CDH13: variants seen among roughly 807,000 people sequenced by gnomAD.
CDH13 encodes cadherin 13, also known as cadherin-13.
Under a neutral mutation model 63.8 loss-of-function variants are expected in CDH13, and 24 were observed. That is an observed-to-expected ratio of 0.38 (90% CI 0.27 to 0.53). CDH13 has a LOEUF of 0.53. CDH13 is among the 20% of genes least tolerant of loss of function. The probability of loss-of-function intolerance (pLI) is 0.85; values close to 1 mark genes in which losing one functional copy is unlikely to be tolerated. For synonymous variants in CDH13, 503 were observed against 355.3 expected (o/e 1.42, Z -4.67); for missense variants, 1,049 against 903.1 (o/e 1.16, Z -2.07).
intron 1 of CDH13, among the ~76,000 whole-genome samples, chr16:82,840,684 C>CACAAAAAAAA (rs1555527844): frequency 1.2e-5 from 1 of 86,750 alleles, no homozygotes. Flanking sequence ...GAATCCATCT[C>CACAAAAAAAA]AAAAAAAAAA....
At chr16:82,820,447 T>A (rs771390939) in intron 1 of CDH13, among the ~76,000 whole-genome samples, 5 of 152,314 alleles carry the variant, frequency 3.3e-5, no homozygotes, top group Admixed American at 6.5e-5. Flanking sequence ...GTAATGAAAC[T>A]GAGGCACAGA....
rs80001303 is a variant in CDH13, at chr16:83,564,850, C to T, written c.961-37604C>T. Reference sequence around the variant, plus strand: ...CCCTCCTCTGCCCTGGCTCCAGAGACCCCATGTCTGCCACAGCACAATTGT... The same window carrying T: ...CCCTCCTCTGCCCTGGCTCCAGAGATCCCATGTCTGCCACAGCACAATTGT... On this transcript the variant is annotated intron_variant, in intron 7 of 13. Coordinates refer to ENST00000567109, the MANE Select transcript of CDH13 (RefSeq NM_001257.5). Among the ~76,000 whole-genome samples the T allele has an allele frequency of 9.9e-3, 1,512 of 152,258 alleles. 26 individuals are homozygous for T. Among genetic ancestry groups the T allele is most frequent in the African/African-American group, 0.035 (1,437 of 41,550 alleles).
chr16:83,427,210 G>A (rs915614089), intron 6 of CDH13, among the ~76,000 whole-genome samples: 58 of 152,052 alleles, frequency 3.8e-4, no homozygotes, highest in South Asian at 1.2e-3. Flanking sequence ...CACCGCGCCC[G>A]GCCTAAATAT....
In CDH13 at chr16:83,130,696, TATC is replaced by T. The variant is rs554067818; in HGVS notation, c.483+5198_483+5200del. Among the ~76,000 whole-genome samples the T allele has an allele frequency of 8.5e-5, 13 of 152,302 alleles. No homozygotes were observed. The East Asian group carries it at 2.5e-3, about 29-fold the overall frequency. ...AATTAAGTTTAACTAAATATAAAATTATCATAAAAGACACAGGAGTTAGCATGC... is the reference window on the plus strand; with the variant it reads ...AATTAAGTTTAACTAAATATAAAATTATAAAAGACACAGGAGTTAGCATGC... On this transcript the variant is annotated intron_variant, in intron 4 of 13. Transcript: ENST00000567109.
intron 7 of CDH13, among the ~76,000 whole-genome samples, chr16:83,502,863 A>C (rs1598169698): frequency 6.6e-6 from 1 of 152,344 alleles, no homozygotes; most frequent in East Asian, 1.9e-4. Context: ...GATCTTTCTC[A>C]GGCATCTCCA....
intron 4 of CDH13, among the ~76,000 whole-genome samples, chr16:83,153,453 C>T (rs1253429574): frequency 1.3e-5 from 2 of 152,150 alleles, no homozygotes; most frequent in African/African-American, 4.8e-5. Flanking sequence ...AATTTCTAAT[C>T]TTGTGGCTAA....
chr16:83,271,422 TAAAAAA>T lies in CDH13; in HGVS notation c.636+53950_636+53955del, dbSNP rs56382330. On this transcript the variant is annotated intron_variant, in intron 5 of 13. Coordinates refer to ENST00000567109, the MANE Select transcript of CDH13 (RefSeq NM_001257.5). ...CTACCGCACATTGAGGCAGAGTTCA[TAAAAAA>T]AAAAAAAAAAAAAAAAAAAAAAAAT... Among the ~76,000 whole-genome samples, 89 of 26,024 alleles carry T rather than the reference TAAAAAA, an allele frequency of 3.4e-3. 1 individual carries two copies. Among genetic ancestry groups the T allele is most frequent in the African/African-American group, 9.5e-3 (71 of 7,472 alleles). The allele number at this position is 26,024 out of a possible 152,430, so 17.1% of individuals were successfully genotyped here. A position where few individuals can be genotyped will look rare whatever the true frequency, so the allele number is the denominator to read the frequency against.
At chr16:83,333,881 A>T (rs531360246) in intron 5 of CDH13, among the ~76,000 whole-genome samples, 1 of 152,200 alleles carries the variant, frequency 6.6e-6, no homozygotes. Context: ...TGGCCACTGT[A>T]TTAATGTCCT....
chr16:82,673,265 T>C (rs919138818), intron 1 of CDH13, among the ~76,000 whole-genome samples: 1 of 152,148 alleles, frequency 6.6e-6, no homozygotes, highest in East Asian at 1.9e-4. Context: ...CAGCCGTGTG[T>C]CTCTTTCCTC....
rs565494132 is a variant in CDH13, at chr16:83,434,180, G to A, written c.782-52297G>A. ...ACCACCTTGCCGCTCAGGTTATTGA[G>A]AATTGTCCAGCATCTCAACGAACTC... On this transcript the variant is annotated intron_variant, in intron 6 of 13. Transcript: ENST00000567109. 6.6e-5 allele frequency among the ~76,000 whole-genome samples: 10 copies of A among 152,234 alleles called. No individual in the cohort carries two copies. The South Asian group carries it at 1.7e-3, about 25-fold the overall frequency.
intron 3 of CDH13, among the ~76,000 whole-genome samples, chr16:83,042,807 C>T (rs537836608): frequency 6.6e-6 from 1 of 152,282 alleles, no homozygotes; most frequent in South Asian, 2.1e-4. Flanking sequence ...TTATATCGAT[C>T]CTGCTTACAT....
intron 3 of CDH13, among the ~76,000 whole-genome samples, chr16:83,112,783 G>C (rs181019489): frequency 6.6e-6 from 1 of 152,018 alleles, no homozygotes; most frequent in South Asian, 2.1e-4. Flanking sequence ...CTTTAGCATC[G>C]AGGTATCTAT....
intron 4 of CDH13, among the ~76,000 whole-genome samples, chr16:83,164,485 A>T (rs529725850): frequency 1.5e-4 from 23 of 152,148 alleles, no homozygotes; most frequent in African/African-American, 4.6e-4. Context: ...AGAAATGTCT[A>T]GGGGCCCCAC....
At chr16:83,464,182 C>G (rs1567690038) in intron 6 of CDH13, among the ~76,000 whole-genome samples, 1 of 151,970 alleles carries the variant, frequency 6.6e-6, no homozygotes, top group Non-Finnish European at 1.5e-5. Flanking sequence ...CAGGCAGTCT[C>G]TTGAGTATCT....
At chr16:83,756,216 C>A (rs887576242) in intron 11 of CDH13, among the ~76,000 whole-genome samples, 3 of 152,072 alleles carry the variant, frequency 2.0e-5, no homozygotes, top group Non-Finnish European at 4.4e-5. Context: ...CCAAATAGAA[C>A]AACAAGGTGA....
chr16:83,049,800 T>C (rs2030086890), intron 3 of CDH13, among the ~76,000 whole-genome samples: 1 of 152,202 alleles, frequency 6.6e-6, no homozygotes, highest in Admixed American at 6.5e-5. Flanking sequence ...ACAACACTGC[T>C]ACCAACCTGT....
chr16:82,773,656 A>G (rs1303225095), intron 1 of CDH13, among the ~76,000 whole-genome samples: 1 of 152,238 alleles, frequency 6.6e-6, no homozygotes, highest in East Asian at 1.9e-4. Flanking sequence ...ATTTGTATGT[A>G]TGTGTGTTCA....
intron 5 of CDH13, among the ~76,000 whole-genome samples, chr16:83,237,337 C>G (rs569307217): frequency 6.6e-6 from 1 of 152,144 alleles, no homozygotes; most frequent in African/African-American, 2.4e-5. Flanking sequence ...CTAGTGACCA[C>G]GAAACTAAGC....
chr16:83,081,915 C>G (rs374976677), intron 3 of CDH13, among the ~76,000 whole-genome samples: 95 of 152,152 alleles, frequency 6.2e-4, no homozygotes, highest in African/African-American at 2.2e-3. Context: ...ATCCTCCTGC[C>G]TCAGGCTCCC....
Sources: allele counts gnomAD v4.1 joint callset (sites outside exome capture counted in the v4.1 genomes callset), GRCh38; gene constraint gnomAD v4.1.1; transcripts MANE v1.5; gene names NCBI Gene and HGNC (gene_info 2026-07-23, HGNC 2026-07-21).